ZNF254: variants seen among roughly 807,000 people sequenced by gnomAD.
The protein encoded by ZNF254 is zinc finger protein 254.
ZNF254 carries 10 observed loss-of-function variants against 12.4 expected under a neutral mutation model. The ratio of observed to expected loss-of-function variants is 0.80; its 90% CI spans 0.50 to 1.36. ZNF254 has a LOEUF of 1.36. Among genes scored for constraint, ZNF254 ranks in the 40% most tolerant of loss-of-function variants. ZNF254 has a pLI of 0.00. For synonymous variants in ZNF254, 305 were observed against 253.4 expected (o/e 1.20, Z -1.93); for missense variants, 996 against 763.9 (o/e 1.30, Z -3.58).
intron 3 of ZNF254, among the ~76,000 whole-genome samples, chr19:24,115,735 G>T (rs1043929580): frequency 5.9e-5 from 9 of 152,046 alleles, no homozygotes; most frequent in African/African-American, 2.2e-4. Flanking sequence ...TGATCCTGTC[G>T]TTAGGATGCT....
intron 2 of ZNF254, among the ~76,000 whole-genome samples, chr19:24,077,102 C>T (rs112276754): frequency 6.6e-6 from 1 of 152,272 alleles, no homozygotes; most frequent in African/African-American, 2.4e-5. Flanking sequence ...TTCACTGAGC[C>T]AGGCTAAATT....
At chr19:24,037,643 C>T (rs1053508780) in intron 1 of ZNF254, among the ~76,000 whole-genome samples, 1 of 151,612 alleles carries the variant, frequency 6.6e-6, no homozygotes. Flanking sequence ...TAGTTTCGCT[C>T]TTGTCCCCCA....
At position 24,068,151 on chromosome 19, in the gene ZNF254, T is replaced by C. The variant is rs115647388; in HGVS notation, c.-94+21872T>C. Among the ~76,000 whole-genome samples, 956 of 152,320 alleles carry C rather than the reference T, an allele frequency of 6.3e-3. 11 individuals are homozygous for C. The highest frequency in any genetic ancestry group is 0.02 in the African/African-American group (836 of 41,574). ...AGAAACGTGGCTCTCCTCACCTACA[T>C]GCACCATGCACAAAGAAAATATTGT... On this transcript the variant is annotated intron_variant, in intron 2 of 4. Coordinates refer to the ZNF254 transcript ENST00000613065.
At chr19:24,110,277 G>A (rs1568462402) in intron 3 of ZNF254, among the ~76,000 whole-genome samples, 1 of 152,024 alleles carries the variant, frequency 6.6e-6, no homozygotes, top group Admixed American at 6.6e-5. Context: ...ACATGTCAGG[G>A]CCAGGCATGG....
intron 2 of ZNF254, among the ~76,000 whole-genome samples, chr19:24,067,719 G>C (rs1971329073): frequency 6.6e-6 from 1 of 151,084 alleles, no homozygotes; most frequent in Non-Finnish European, 1.5e-5. Flanking sequence ...CTTGGACTCT[G>C]ACCAAAAAGG....
intron 2 of ZNF254, chr19:24,049,542 A>T (rs1970566863): frequency 6.6e-6 from 1 of 152,002 alleles, no homozygotes; most frequent in African/African-American, 2.4e-5. Flanking sequence ...TTGGACCCAG[A>T]ATTGAGGTAA....
chr19:24,114,871 A>G (rs543366607), intron 3 of ZNF254, among the ~76,000 whole-genome samples: 1 of 152,320 alleles, frequency 6.6e-6, no homozygotes, highest in Non-Finnish European at 1.5e-5. Context: ...AAAGGACATG[A>G]ACAGACACTT....
At chr19:24,064,242 G>T (rs1050251663) in intron 2 of ZNF254, among the ~76,000 whole-genome samples, 2 of 152,124 alleles carry the variant, frequency 1.3e-5, no homozygotes, top group African/African-American at 4.8e-5. Context: ...ATAAAGCTGA[G>T]CCCAGCTCCT....
intron 2 of ZNF254, among the ~76,000 whole-genome samples, chr19:24,057,465 A>G (rs1358476598): frequency 1.3e-5 from 2 of 152,294 alleles, no homozygotes; most frequent in African/African-American, 4.8e-5. Flanking sequence ...TACCATTACA[A>G]TTGTCTCCCA....
At chr19:24,039,259 C>T (rs1479296639) in intron 1 of ZNF254, among the ~76,000 whole-genome samples, 2 of 152,184 alleles carry the variant, frequency 1.3e-5, no homozygotes, top group African/African-American at 4.8e-5. Context: ...GTGTGAGGAG[C>T]TCCTGGTATA....
At chr19:24,035,653 C>A (rs7409260) in intron 1 of ZNF254, among the ~76,000 whole-genome samples, 22,592 of 151,884 alleles carry the variant, frequency 0.15, 2,655 homozygotes, top group African/African-American at 0.33. Flanking sequence ...AGCCTGGTGA[C>A]AGAGCGAGAC....
chr19:24,071,783 C>T (rs1186881130), intron 2 of ZNF254, among the ~76,000 whole-genome samples: 1 of 152,096 alleles, frequency 6.6e-6, no homozygotes, highest in African/African-American at 2.4e-5. Flanking sequence ...ATGTGACTCT[C>T]CTCTGCTTCT....
At chr19:24,090,238 T>G (rs1398486242) in intron 1 of ZNF254, among the ~76,000 whole-genome samples, 1 of 151,734 alleles carries the variant, frequency 6.6e-6, no homozygotes, top group Admixed American at 6.6e-5. Flanking sequence ...CCCAGTGAGA[T>G]GGTGTAAGAA....
upstream of ZNF254, among the ~76,000 whole-genome samples, chr19:24,084,920 A>T (rs948103281): frequency 2.2e-5 from 3 of 138,592 alleles, no homozygotes; most frequent in African/African-American, 5.4e-5. Flanking sequence ...AGCCATCATG[A>T]GTGACCACAA....
intron 2 of ZNF254, chr19:24,079,195 A>G (rs1971762647): frequency 6.6e-6 from 1 of 152,194 alleles, no homozygotes; most frequent in Non-Finnish European, 1.5e-5. Flanking sequence ...AAATAGAAGA[A>G]AAAGAGTTGG....
At chr19:24,039,811 T>C (rs575779420) in intron 1 of ZNF254, among the ~76,000 whole-genome samples, 1 of 152,306 alleles carries the variant, frequency 6.6e-6, no homozygotes, top group African/African-American at 2.4e-5. Flanking sequence ...GGGACACTGC[T>C]CTTATGTTGT....
intron 2 of ZNF254, among the ~76,000 whole-genome samples, chr19:24,049,212 A>ATTTTTTTTTT (rs1179977299): frequency 2.6e-4 from 11 of 42,212 alleles, no homozygotes; most frequent in African/African-American, 8.3e-4. Context: ...ATATATATAT[A>ATTTTTTTTTT]TATTTTTTTT....
In ZNF254 at chr19:24,093,799, ATT is replaced by A. The variant is rs563922669; in HGVS notation, c.30+6472_30+6473del. ...TTGGTTTTATATGAATTTTACAATA[ATT>A]TTTTTTTTTAGTTCTTTTAAAAATA... On this transcript the variant is annotated intron_variant, in intron 1 of 3. Transcript: ENST00000357002. Among the ~76,000 whole-genome samples the A allele has an allele frequency of 3.0e-3, 452 of 148,702 alleles. 1 individual carries two copies. The highest frequency in any genetic ancestry group is 0.011 in the African/African-American group (437 of 40,714).
At chr19:24,112,745 G>C (rs112949718) in intron 3 of ZNF254, among the ~76,000 whole-genome samples, 22,857 of 151,804 alleles carry the variant, frequency 0.15, 1,764 homozygotes, top group Middle Eastern at 0.17. Context: ...GATTTGGCTG[G>C]TTTTTTGAAA....
Sources: allele counts gnomAD v4.1 joint callset (sites outside exome capture counted in the v4.1 genomes callset), GRCh38; gene constraint gnomAD v4.1.1; transcripts MANE v1.5; gene names NCBI Gene and HGNC (gene_info 2026-07-23, HGNC 2026-07-21).